The following TBC1D5 variants were observed in gnomAD, a reference collection of about 807,000 sequenced individuals.
The protein encoded by TBC1D5 is TBC1 domain family, member 5.
A neutral mutation model predicts 100.3 loss-of-function variants in TBC1D5; 75 were observed. That is an observed-to-expected ratio of 0.75 (90% CI 0.62 to 0.91). TBC1D5 has a LOEUF of 0.91. TBC1D5 is among the 40% of genes least tolerant of loss of function. The pLI, the probability that TBC1D5 is intolerant of heterozygous loss-of-function variation, is 0.00. For missense variants in TBC1D5, 910 were observed against 942.4 expected, an observed-to-expected ratio of 0.97 and a Z score of 0.45; for synonymous variants, 323 against 325.6, an observed-to-expected ratio of 0.99 and a Z score of 0.09.
At position 17,430,706 on chromosome 3, in the gene TBC1D5, C is replaced by A. The variant is rs77263760; in HGVS notation, c.98-2187G>T. On this transcript the variant is annotated intron_variant, in intron 3 of 21. Coordinates refer to ENST00000253692, the Ensembl canonical transcript of TBC1D5. ...TAATTATGGCAAATGTTTATGAAAA[C>A]ATCTGTTCCTTACAGTTATAAACTC... Among the ~76,000 whole-genome samples the A allele has an allele frequency of 8.8e-4, 134 of 151,988 alleles. 2 individuals are homozygous for A. Among genetic ancestry groups the A allele is most frequent in the Admixed American group, 3.3e-3 (51 of 15,266 alleles).
At chr3:17,159,653 C>A (rs2065874092) in exon 22 of TBC1D5, 1 of 152,278 alleles carries the variant, frequency 6.6e-6, no homozygotes, top group South Asian at 2.1e-4. Context: ...ATGCTCTGTG[C>A]CCATCATGGT....
At chr3:17,543,958 C>G (rs1445537836) in intron 2 of TBC1D5, among the ~76,000 whole-genome samples, 6 of 151,892 alleles carry the variant, frequency 4.0e-5, no homozygotes, top group Admixed American at 6.6e-5. Flanking sequence ...ACCTCCACCT[C>G]CCAGGTGCAA....
At chr3:17,450,768 C>T (rs946482691) in intron 3 of TBC1D5, among the ~76,000 whole-genome samples, 1 of 152,124 alleles carries the variant, frequency 6.6e-6, no homozygotes, top group South Asian at 2.1e-4. Flanking sequence ...ATTGGTATAC[C>T]TGAAAGTGAT....
intron 2 of TBC1D5, among the ~76,000 whole-genome samples, chr3:17,620,906 C>G (rs1176336873): frequency 6.6e-6 from 1 of 152,096 alleles, no homozygotes; most frequent in African/African-American, 2.4e-5. Context: ...ATTATGAGAA[C>G]AGTATTTGGT....
chr3:17,386,426 A>T (rs1003957370), intron 8 of TBC1D5, among the ~76,000 whole-genome samples: 5 of 152,276 alleles, frequency 3.3e-5, no homozygotes, highest in Non-Finnish European at 5.9e-5. Flanking sequence ...TAAAAATGTA[A>T]AGTATACCTG....
intron 21 of TBC1D5, among the ~76,000 whole-genome samples, chr3:17,162,393 T>C (rs1046970435): frequency 6.6e-6 from 1 of 152,260 alleles, no homozygotes; most frequent in African/African-American, 2.4e-5. Flanking sequence ...CCCTGTCTGA[T>C]AGGCCCCTCT....
At chr3:17,245,958 A>G (rs921466227) in intron 16 of TBC1D5, among the ~76,000 whole-genome samples, 1 of 152,200 alleles carries the variant, frequency 6.6e-6, no homozygotes, top group Non-Finnish European at 1.5e-5. Flanking sequence ...TGAGAAAGGG[A>G]AGAGAGTATA....
chr3:17,581,641 A>C (rs1171598733), intron 2 of TBC1D5, among the ~76,000 whole-genome samples: 2 of 152,128 alleles, frequency 1.3e-5, no homozygotes, highest in Non-Finnish European at 2.9e-5. Flanking sequence ...CTGTTACTCA[A>C]ACCAAAATTA....
chr3:17,359,980 TAGTA>T (rs1260143243), intron 13 of TBC1D5, among the ~76,000 whole-genome samples: 4 of 151,990 alleles, frequency 2.6e-5, no homozygotes, highest in Non-Finnish European at 4.4e-5. Flanking sequence ...TATTATTTCT[TAGTA>T]AGTCCTGAAA....
chr3:17,426,589 T>G (rs2094341764), intron 4 of TBC1D5, among the ~76,000 whole-genome samples: 1 of 152,062 alleles, frequency 6.6e-6, no homozygotes, highest in African/African-American at 2.4e-5. Flanking sequence ...CTGCCATTTT[T>G]AAACAATGAC....
chr3:17,699,018 T>A (rs533017451), intron 1 of TBC1D5, among the ~76,000 whole-genome samples: 95 of 151,588 alleles, frequency 6.3e-4, no homozygotes, highest in African/African-American at 2.3e-3. Flanking sequence ...CGAAATACCA[T>A]TTGACCCAGC....
intron 14 of TBC1D5, among the ~76,000 whole-genome samples, chr3:17,298,366 C>G (rs2082473716): frequency 6.6e-6 from 1 of 152,148 alleles, no homozygotes; most frequent in African/African-American, 2.4e-5. Context: ...AAAATCTCAA[C>G]TTTCTCTCAC....
At chr3:17,251,430 C>CT (rs200670502) in intron 16 of TBC1D5, among the ~76,000 whole-genome samples, 1 of 141,304 alleles carries the variant, frequency 7.1e-6, no homozygotes, top group Non-Finnish European at 1.6e-5. Context: ...CGGGAACCCC[C>CT]CCCCCCCCAG....
chr3:17,294,320 T>C (rs901537200), intron 14 of TBC1D5, among the ~76,000 whole-genome samples: 3 of 152,144 alleles, frequency 2.0e-5, no homozygotes, highest in Admixed American at 1.3e-4. Context: ...CCTGGGCTCA[T>C]GCAATCCTCC....
At chr3:17,636,902 T>C (rs1169353365) in intron 1 of TBC1D5, among the ~76,000 whole-genome samples, 7 of 152,178 alleles carry the variant, frequency 4.6e-5, no homozygotes, top group Non-Finnish European at 1.0e-4. Flanking sequence ...TGTGATAATT[T>C]AGCATTTGAT....
chr3:17,329,809 A>G (rs2086652038), intron 13 of TBC1D5, among the ~76,000 whole-genome samples: 1 of 152,168 alleles, frequency 6.6e-6, no homozygotes, highest in African/African-American at 2.4e-5. Flanking sequence ...CATTTCAAAG[A>G]TAAGAACTAG....
chr3:17,434,019 C>T (rs563077623), intron 3 of TBC1D5, among the ~76,000 whole-genome samples: 1 of 152,304 alleles, frequency 6.6e-6, no homozygotes, highest in South Asian at 2.1e-4. Flanking sequence ...AGGTAGGCTC[C>T]CACGGCCTTG....
intron 5 of TBC1D5, among the ~76,000 whole-genome samples, chr3:17,406,093 C>A (rs943598610): frequency 6.6e-6 from 1 of 152,072 alleles, no homozygotes; most frequent in African/African-American, 2.4e-5. Flanking sequence ...TAACCCCCGA[C>A]CACTGCCTTT....
At chr3:17,530,248 A>C (rs1381562841) in intron 2 of TBC1D5, among the ~76,000 whole-genome samples, 1 of 151,880 alleles carries the variant, frequency 6.6e-6, no homozygotes, top group Non-Finnish European at 1.5e-5. Flanking sequence ...CGTCTCAAAA[A>C]AAAAAAAAAA....
Sources: gnomAD v4.1 joint callset for allele counts (sites outside exome capture counted in the v4.1 genomes callset) on GRCh38, gnomAD v4.1.1 for gene constraint, MANE v1.5 for transcripts, NCBI Gene and HGNC (gene_info 2026-07-23, HGNC 2026-07-21) for gene names.